The following TG variants were observed in gnomAD, a reference collection of about 807,000 sequenced individuals.
TG encodes the protein thyroid hormones.
A neutral mutation model predicts 324.7 loss-of-function variants in TG; 270 were observed. The ratio of observed to expected loss-of-function variants is 0.83; its 90% confidence interval spans 0.75 to 0.92. TG has a LOEUF of 0.92. TG is among the 40% of genes least tolerant of loss of function. The pLI, the probability that TG is intolerant of heterozygous loss-of-function variation, is 0.00. For missense variants in TG, 3,591 were observed against 3,456.4 expected (o/e 1.04, Z -0.98); for synonymous variants, 1,401 against 1,327.0 (o/e 1.06, Z -1.21).
intron 35 of TG, among the ~76,000 whole-genome samples, chr8:133,005,166 C>G (rs1293729842): frequency 6.6e-6 from 1 of 152,162 alleles, no homozygotes; most frequent in Non-Finnish European, 1.5e-5. Flanking sequence ...TGCAATTCAG[C>G]AGCAAGTTTC....
At chr8:132,960,036 A>T (rs1337177374) in intron 27 of TG, among the ~76,000 whole-genome samples, 2 of 152,152 alleles carry the variant, frequency 1.3e-5, no homozygotes, top group East Asian at 3.9e-4. Context: ...AATGGTAATA[A>T]CTGTTTATCA....
intron 44 of TG, among the ~76,000 whole-genome samples, chr8:133,115,555 G>A (rs760444234): frequency 4.6e-5 from 7 of 152,176 alleles, no homozygotes; most frequent in African/African-American, 1.4e-4. Flanking sequence ...AAAGGAAGAC[G>A]GGCACCCCTT....
intron 45 of TG, among the ~76,000 whole-genome samples, chr8:133,121,222 C>T (rs1285442927): frequency 2.6e-5 from 4 of 152,138 alleles, no homozygotes; most frequent in Admixed American, 6.5e-5. Context: ...TTTTTAGGCT[C>T]TATGGGGCTC....
chr8:133,013,701 C>G lies in TG; in HGVS notation c.6499C>G (p.Leu2167Val), dbSNP rs1421657099. ...YADTQSCTHS[L>V]QGQNCRLLLR... ...TGATACTCAAAGCTGCACACATAGTCTGCAGGGTCAGAACTGCCGACTTCT... is the reference window on the plus strand; with the variant it reads ...TGATACTCAAAGCTGCACACATAGTGTGCAGGGTCAGAACTGCCGACTTCT... The change falls in exon 37 of 48, where the codon CTG (leucine) becomes GTG (valine). Residue 2167 changes from leucine (L) to valine (V), a missense_variant. Transcript: ENST00000220616. 3.7e-6 allele frequency: 6 copies of G among 1,613,984 alleles called. No individual in the cohort carries two copies. Among genetic ancestry groups the G allele is most frequent in the Admixed American group, 1.7e-5 (1 of 60,018 alleles).
At position 132,900,217 on chromosome 8, in the gene TG, T is replaced by C. The variant is rs1452630534; in HGVS notation, c.3331-20T>C. The C allele has an allele frequency of 6.2e-7, 1 of 1,611,370 alleles. No individual in the cohort carries two copies. On this transcript the variant is annotated intron_variant, in intron 14 of 47. Transcript: ENST00000220616. ...AGCATCTTGCCCACAGTGACTGACA[T>C]GACCCCGGCTTTGTCTCAGACAGGA... is the stretch of plus-strand genomic sequence containing the variant.
At chr8:132,935,942 C>T (rs907662443) in intron 25 of TG, 78 bp downstream of exon 25, 1 of 1,158,960 alleles carries the variant, frequency 8.6e-7, no homozygotes, top group Non-Finnish European at 1.3e-6. Flanking sequence ...CCAGCAGGTG[C>T]ATGTGAGGAG....
At chr8:132,992,175 A>G (rs1002376496) in intron 35 of TG, among the ~76,000 whole-genome samples, 8 of 152,174 alleles carry the variant, frequency 5.3e-5, no homozygotes, top group African/African-American at 1.4e-4. Flanking sequence ...GCACTGGGGT[A>G]CGGCTGTAAA....
intron 41 of TG, chr8:133,040,238 G>A (rs1266643402): frequency 2.3e-5 from 29 of 1,243,896 alleles, no homozygotes; most frequent in Non-Finnish European, 3.0e-5. Context: ...GCTGCCATGG[G>A]GAACTGGGCC....
In TG at chr8:133,114,265, C is replaced by G. The variant is rs893114240; in HGVS notation, c.7754+662C>G. Among the ~76,000 whole-genome samples, 15 of 152,282 alleles carry G rather than the reference C, an allele frequency of 9.9e-5. No individual in the cohort carries two copies. The East Asian group carries it at 2.9e-3, about 29-fold the overall frequency. On this transcript the variant is annotated intron_variant, in intron 44 of 47. Transcript: ENST00000220616. ...TTTCTTGTATCCACTGCTTACATGC[C>G]TTGTCCCCATTCAAGCTCAAGCTTC...
At chr8:133,106,125 C>T (rs1849780671) in intron 43 of TG, among the ~76,000 whole-genome samples, 1 of 152,102 alleles carries the variant, frequency 6.6e-6, no homozygotes, top group South Asian at 2.1e-4. Flanking sequence ...TCTGAAAGAG[C>T]CAGTGGGGGG....
At chr8:133,089,766 C>T (rs1219843730) in intron 41 of TG, among the ~76,000 whole-genome samples, 1 of 152,154 alleles carries the variant, frequency 6.6e-6, no homozygotes, top group African/African-American at 2.4e-5. Flanking sequence ...GGACCCAGCT[C>T]CTGTCTATAA....
intron 45 of TG, among the ~76,000 whole-genome samples, chr8:133,122,039 T>C (rs1307974993): frequency 1.3e-5 from 2 of 152,214 alleles, no homozygotes; most frequent in African/African-American, 2.4e-5. Flanking sequence ...ACTTAAAATA[T>C]ATGTGTGTTA....
At chr8:132,918,048 C>T (rs1268050343) in intron 20 of TG, among the ~76,000 whole-genome samples, 2 of 151,956 alleles carry the variant, frequency 1.3e-5, no homozygotes, top group African/African-American at 4.8e-5. Context: ...TTGAGAGAGC[C>T]CCTTCTCCCG....
At chr8:133,071,639 G>GGAGAGGGGAGGA (rs1470929915) in intron 41 of TG, among the ~76,000 whole-genome samples, 1 of 152,096 alleles carries the variant, frequency 6.6e-6, no homozygotes, top group Admixed American at 6.6e-5. Context: ...CATGCAGCGG[G>GGAGAGGGGAGGA]GAGAGGGGAG....
intron 35 of TG, among the ~76,000 whole-genome samples, chr8:132,984,000 AGGTTG>A (rs1831219822): frequency 6.6e-6 from 1 of 152,080 alleles, no homozygotes. Flanking sequence ...AAGTGCAGAG[AGGTTG>A]GGTGCAGTAG....
chr8:132,947,256 C>G (rs1825454025), intron 26 of TG, among the ~76,000 whole-genome samples: 1 of 152,192 alleles, frequency 6.6e-6, no homozygotes, highest in African/African-American at 2.4e-5. Context: ...TGTCCAAATG[C>G]ACCCCGCCCC....
chr8:132,960,703 G>A (rs1827617789), intron 27 of TG, among the ~76,000 whole-genome samples: 1 of 152,154 alleles, frequency 6.6e-6, no homozygotes, highest in African/African-American at 2.4e-5. Context: ...TGTCCCAGGA[G>A]GTTTACTTTC....
intron 11 of TG, among the ~76,000 whole-genome samples, chr8:132,897,374 C>A (rs1175966604): frequency 1.3e-5 from 2 of 152,208 alleles, no homozygotes; most frequent in East Asian, 1.9e-4. Context: ...GAAGACACTT[C>A]ACTGACCTAC....
chr8:132,882,918 A>G lies in TG; in HGVS notation c.994A>G (p.Thr332Ala), dbSNP rs1209350166. ...NGDYQAVQCQ[T>A]EGPCWCVDAQ... ...CGACTATCAGGCGGTGCAGTGCCAGACGGAAGGGCCCTGCTGGTGTGTGGA... is the reference window on the plus strand; with the variant it reads ...CGACTATCAGGCGGTGCAGTGCCAGGCGGAAGGGCCCTGCTGGTGTGTGGA... Residue 332 changes from threonine (T) to alanine (A), a missense_variant, in exon 8 of 48, where the codon ACG becomes GCG. Coordinates refer to ENST00000220616, the MANE Select transcript of TG (RefSeq NM_003235.5). The G allele has an allele frequency of 1.2e-6, 2 of 1,614,080 alleles. No individual in the cohort carries two copies. The highest frequency in any genetic ancestry group is 2.7e-5 in the African/African-American group (2 of 74,930).
Sources: gnomAD v4.1 joint callset for allele counts (sites outside exome capture counted in the v4.1 genomes callset) on GRCh38, gnomAD v4.1.1 for gene constraint, MANE v1.5 for transcripts, NCBI Gene and HGNC (gene_info 2026-07-23, HGNC 2026-07-21) for gene names.